TMEM186: variants seen among roughly 807,000 people sequenced by gnomAD.
TMEM186 encodes the protein chromosome 16 open reading frame 51.
Under a neutral mutation model 2.5 loss-of-function variants are expected in TMEM186, and 2 were observed. That is an observed-to-expected ratio of 0.79 (90% CI 0.32 to 2.50). The LOEUF (loss-of-function observed/expected upper bound fraction) is 2.50. Ranked by LOEUF, TMEM186 falls within the 30% of genes most tolerant of loss-of-function variation. The pLI is 0.11. For missense variants in TMEM186, 321 were observed against 276.5 expected (o/e 1.16, Z -1.14); for synonymous variants, 120 against 104.9 (o/e 1.14, Z -0.88).
chr16:8,796,008 T>G lies in TMEM186; in HGVS notation c.586A>C (p.Ile196Leu). 1 of 1,614,226 alleles carries G rather than the reference T, an allele frequency of 6.2e-7. No homozygotes were observed. Residue 196 changes from isoleucine (I) to leucine (L), a missense_variant, in exon 2 of 2, where the codon ATC becomes CTC. Physicochemically the swap from Ile to Leu is conservative, Grantham distance 5. Transcript: ENST00000333050. ...TGTGTGAAACGCTCTCTGTCCAGGA[T>G]GCGTCCATAGCGCAGGGTGACGTAG... ...TFYVTLRYGR[I>L]LDRERFTQVF...
In TMEM186 at chr16:8,796,603, CA is replaced by C. The variant is rs1449135445; in HGVS notation, c.4-14del. The C allele has an allele frequency of 2.5e-6, 4 of 1,605,792 alleles. No individual in the cohort carries two copies. The African/African-American group carries it at 4.0e-5, about 16-fold the overall frequency. On this transcript the variant is annotated splice_polypyrimidine_tract_variant and intron_variant, in intron 1 of 1. Transcript: ENST00000333050. ...GGAGAAGGGCAGCCTGAAAGGGAGA[CA>C]GTAGACCATTTCTCTCATGGAACTC...
rs903103610 is a variant in TMEM186, at chr16:8,795,618, C to T, written c.*334G>A. 1.8e-5 allele frequency: 4 copies of T among 227,234 alleles called. No individual in the cohort carries two copies. The highest frequency in any genetic ancestry group is 6.8e-5 in the African/African-American group (3 of 44,364). 14.1% of individuals were successfully genotyped at this position (227,234 alleles called of 1,614,324 possible). On this transcript the variant is annotated 3_prime_UTR_variant, in exon 2 of 2. Coordinates refer to ENST00000333050, the MANE Select transcript of TMEM186 (RefSeq NM_015421.4). ...TCTGACTCCAAATCTTACGCTCCCCCGCCACACCTCTTTGCCTTTCTCTTT... is the reference window on the plus strand; with the variant it reads ...TCTGACTCCAAATCTTACGCTCCCCTGCCACACCTCTTTGCCTTTCTCTTT...
chr16:8,796,566 T>C lies in TMEM186; in HGVS notation c.28A>G (p.Arg10Gly). MAALLRAVRRFRGKAVWERP... is the reference protein window; with the variant it reads MAALLRAVRGFRGKAVWERP... Reference sequence around the variant, plus strand: ...TCCCACACAGCTTTTCCCCGAAACCTACGCACAGCTCGGAGAAGGGCAGCC... The same window carrying C: ...TCCCACACAGCTTTTCCCCGAAACCCACGCACAGCTCGGAGAAGGGCAGCC... Residue 10 changes from arginine to glycine, a missense_variant, in exon 2 of 2, where the codon AGG becomes GGG. Physicochemically the swap from Arg to Gly is moderately radical, Grantham distance 125 (BLOSUM62 -2). Coordinates refer to ENST00000333050, the MANE Select transcript of TMEM186 (RefSeq NM_015421.4). The C allele has an allele frequency of 1.9e-6, 3 of 1,613,638 alleles. No homozygotes were observed. The highest frequency in any genetic ancestry group is 2.5e-6 in the Non-Finnish European group (3 of 1,179,846).
chr16:8,796,817 A>G (rs1227071838), intron 1 of TMEM186, among the ~76,000 whole-genome samples: 1 of 152,236 alleles, frequency 6.6e-6, no homozygotes, highest in Non-Finnish European at 1.5e-5. Flanking sequence ...AACTAAGCCC[A>G]GAGAGGGTAA....
rs1305114320 is a variant in TMEM186 at position 8,795,701 on chromosome 16, A to G, written c.*251T>C. 2 of 464,746 alleles carry G rather than the reference A, an allele frequency of 4.3e-6. No individual in the cohort carries two copies. Among genetic ancestry groups the G allele is most frequent in the Non-Finnish European group, 7.7e-6 (2 of 261,100 alleles). 28.8% of individuals were successfully genotyped at this position (464,746 alleles called of 1,614,324 possible). On this transcript the variant is annotated 3_prime_UTR_variant, in exon 2 of 2. Coordinates refer to ENST00000333050, the MANE Select transcript of TMEM186 (RefSeq NM_015421.4). ...TAGGTTCTTCTAAGAACTGGCTCTTAACAAAAACTTCTGGCCATTATCTGA... is the reference window on the plus strand; with the variant it reads ...TAGGTTCTTCTAAGAACTGGCTCTTGACAAAAACTTCTGGCCATTATCTGA...
rs546815584 is a variant in TMEM186 at position 8,795,910 on chromosome 16, C to A, written c.*42G>T. On this transcript the variant is annotated 3_prime_UTR_variant, in exon 2 of 2. Transcript: ENST00000333050. ...CCACACCCTCAGCCTTCCTGTTAAT[C>A]CAGGCGACCCAGGGTTACCCAGAGG... 6.4e-7 allele frequency: 1 copy of A among 1,573,276 alleles called. No homozygotes were observed. Among genetic ancestry groups the A allele is most frequent in the South Asian group, 1.2e-5 (1 of 84,592 alleles).
Position 8,796,127 on chromosome 16 carries a change from C to T in TMEM186, c.467G>A (p.Cys156Tyr), listed in dbSNP as rs763301234. The T allele has an allele frequency of 1.2e-6, 2 of 1,614,124 alleles. No homozygotes were observed. The highest frequency in any genetic ancestry group is 1.6e-4 in the Middle Eastern group (1 of 6,084). ...CAGGGGAATCACATCTGCCATGGGA[C>T]AGTATGTGTCCTGCCGCCAGCCCCA... ...NFWGWRQDTY[C>Y]PMADVIPLTE... The change falls in exon 2 of 2, where the codon TGT becomes TAT. Residue 156 changes from cysteine to tyrosine, a missense_variant. By Grantham distance (194) the Cys-to-Tyr change is radical (BLOSUM62 -2). Coordinates refer to ENST00000333050, the MANE Select transcript of TMEM186 (RefSeq NM_015421.4).
intron 1 of TMEM186, 83 bp downstream of exon 1, chr16:8,797,529 C>G (rs894460011): frequency 6.6e-6 from 10 of 1,514,096 alleles, no homozygotes; most frequent in Non-Finnish European, 9.0e-6. Flanking sequence ...GTCCGAAACC[C>G]GAGCGTCGGG....
At position 8,795,873 on chromosome 16, in the gene TMEM186, C is replaced by T; in HGVS notation, c.*79G>A. On this transcript the variant is annotated 3_prime_UTR_variant, in exon 2 of 2. Coordinates refer to ENST00000333050, the MANE Select transcript of TMEM186 (RefSeq NM_015421.4). ...AGTCTCCAAGTACCCAGTCCCCTTT[C>T]TTCAGCCTTGCCCACACCCTCAGCC... is the stretch of plus-strand genomic sequence containing the variant. The T allele has an allele frequency of 1.3e-6, 2 of 1,511,338 alleles. No individual in the cohort carries two copies. The highest frequency in any genetic ancestry group is 1.8e-6 in the Non-Finnish European group (2 of 1,122,552). The allele number at this position is 1,511,338 out of a possible 1,614,324, so 93.6% of individuals were successfully genotyped here.
rs763805495 is a variant in TMEM186 at position 8,796,036 on chromosome 16, G to C, written c.558C>G (p.Thr186=). The C allele has an allele frequency of 4.3e-6, 7 of 1,614,084 alleles. No individual in the cohort carries two copies. The African/African-American group carries it at 8.0e-5, about 18-fold the overall frequency. The change falls in exon 2 of 2, where the codon ACC becomes ACG. Residue 186 remains threonine, a synonymous_variant. Transcript: ENST00000333050. ...GTCCATAGCGCAGGGTGACGTAGAA[G>C]GTCTGTTTCCCACTGTACCGCTGGA... ...VRIQRYSGKQ[T]FYVTLRYGRI...
chr16:8,797,523 G>T, intron 1 of TMEM186, 89 bp downstream of exon 1: 1 of 1,498,942 alleles, frequency 6.7e-7, no homozygotes, highest in Non-Finnish European at 9.1e-7. Flanking sequence ...CTCGGAGTCC[G>T]AAACCCGAGC....
In TMEM186 at chr16:8,796,256, G is replaced by T. The variant is rs202170837; in HGVS notation, c.338C>A (p.Ala113Asp). 801 of 1,614,054 alleles carry T rather than the reference G, an allele frequency of 5.0e-4. No homozygotes were observed. Among genetic ancestry groups the T allele is most frequent in the Non-Finnish European group, 6.2e-4 (727 of 1,180,052 alleles). ...VCLMSGISGF[A>D]LTMLCWMSYF... ...GCTCATCCAGCACAGCATGGTCAGG[G>T]CAAAGCCCGATATCCCACTCATGAG... Residue 113 changes from alanine (A) to aspartate (D), a missense_variant, in exon 2 of 2, where the codon GCC (alanine) becomes GAC (aspartate). By Grantham distance (126) the Ala-to-Asp change is moderately radical. Coordinates refer to ENST00000333050, the MANE Select transcript of TMEM186 (RefSeq NM_015421.4).
Position 8,795,987 on chromosome 16 carries a change from T to TG in TMEM186, c.606dup (p.Thr203HisfsTer28), listed in dbSNP as rs756973203. 1.9e-6 allele frequency: 3 copies of TG among 1,614,088 alleles called. No individual in the cohort carries two copies. The highest frequency in any genetic ancestry group is 1.3e-5 in the African/African-American group (1 of 75,062). On this transcript the variant is annotated frameshift_variant, in exon 2 of 2. Coordinates refer to ENST00000333050, the MANE Select transcript of TMEM186 (RefSeq NM_015421.4). LOFTEE classifies it low-confidence loss of function (END_TRUNC). ...ATCTGATGTACCCCAAACACCTGTG[T>TG]GAAACGCTCTCTGTCCAGGATGCGT...
chr16:8,796,243 C>A lies in TMEM186; in HGVS notation c.351G>T (p.Leu117=). 1 of 1,614,198 alleles carries A rather than the reference C, an allele frequency of 6.2e-7. No homozygotes were observed. Among genetic ancestry groups the A allele is most frequent in the Middle Eastern group, 1.6e-4 (1 of 6,062 alleles). ...SGISGFALTM[L]CWMSYFLRRL... is the part of the protein sequence containing the mutation. ...TCCGTAAGAAATAGCTCATCCAGCA[C>A]AGCATGGTCAGGGCAAAGCCCGATA... Residue 117 remains leucine, a synonymous_variant, in exon 2 of 2, where the codon CTG becomes CTT. Transcript: ENST00000333050.
At position 8,796,553 on chromosome 16, in the gene TMEM186, T is replaced by C. The variant is rs1596480969; in HGVS notation, c.41A>G (p.Lys14Arg). Residue 14 changes from lysine (K) to arginine (R), a missense_variant, in exon 2 of 2, where the codon AAA (lysine) becomes AGA (arginine). Lys to Arg is a conservative substitution (Grantham distance 26, BLOSUM62 2). Coordinates refer to ENST00000333050, the MANE Select transcript of TMEM186 (RefSeq NM_015421.4). ...LLRAVRRFRG[K>R]AVWERPLHGL... ...ATGGAGAGGCCTTTCCCACACAGCT[T>C]TTCCCCGAAACCTACGCACAGCTCG... The C allele has an allele frequency of 1.2e-6, 2 of 1,613,990 alleles. No individual in the cohort carries two copies. Among genetic ancestry groups the C allele is most frequent in the Middle Eastern group, 3.3e-4 (2 of 6,062 alleles).
chr16:8,796,221 G>A lies in TMEM186; in HGVS notation c.373C>T (p.Arg125Trp), dbSNP rs750159536. The A allele has an allele frequency of 1.2e-5, 19 of 1,614,038 alleles. No individual in the cohort carries two copies. The highest frequency in any genetic ancestry group is 4.4e-5 in the South Asian group (4 of 91,084). ...TMLCWMSYFL[R>W]RLVGILYLNE... ...AGATACAGGATACCAACCAGTCTCC[G>A]TAAGAAATAGCTCATCCAGCACAGC... is the stretch of plus-strand genomic sequence containing the variant. The change falls in exon 2 of 2, where the codon CGG becomes TGG. Residue 125 changes from arginine to tryptophan, a missense_variant. Physicochemically the swap from Arg to Trp is moderately radical, Grantham distance 101 (BLOSUM62 -3). Coordinates refer to ENST00000333050, the MANE Select transcript of TMEM186 (RefSeq NM_015421.4).
rs1567326801 is a variant in TMEM186 at position 8,796,310 on chromosome 16, T to C, written c.284A>G (p.Gln95Arg). Residue 95 changes from glutamine to arginine, a missense_variant, in exon 2 of 2, where the codon CAG (glutamine) becomes CGG (arginine). By Grantham distance (43) the Gln-to-Arg change is conservative. Transcript: ENST00000333050. ...CACGGTGTTGAGAGTGAGGAGGCCC[T>C]GGGAGTACAAGTAATAGCCTGGTGG... ...ALPPGYYLYS[Q>R]GLLTLNTVCL... The C allele has an allele frequency of 3.1e-6, 5 of 1,614,180 alleles. No homozygotes were observed. Among genetic ancestry groups the C allele is most frequent in the East Asian group, 2.2e-5 (1 of 44,880 alleles).
In TMEM186 at chr16:8,797,616, GC is replaced by G. The variant is rs1477383028; in HGVS notation, c.-3del. On this transcript the variant is annotated 5_prime_UTR_variant, in exon 1 of 2. Transcript: ENST00000333050. ...GCTCGCCACCCGCCTCCTTACCATG[GC>G]CCCACCACCTGCTGCCGGAAGTAAA... 7 of 1,604,762 alleles carry G rather than the reference GC, an allele frequency of 4.4e-6. No homozygotes were observed. Among genetic ancestry groups the G allele is most frequent in the Non-Finnish European group, 6.0e-6 (7 of 1,176,230 alleles).
chr16:8,796,741 A>G, intron 1 of TMEM186, 151 bp from the exon 2 acceptor site: 2 of 914,600 alleles, frequency 2.2e-6, no homozygotes, highest in African/African-American at 1.7e-5. Flanking sequence ...GCCAGATGCT[A>G]TCTCATGTGG....
Sources: gnomAD v4.1 joint callset for allele counts (sites outside exome capture counted in the v4.1 genomes callset) on GRCh38, gnomAD v4.1.1 for gene constraint, MANE v1.5 for transcripts, NCBI Gene and HGNC (gene_info 2026-07-23, HGNC 2026-07-21) for gene names.